The following FAM193A variants were observed in gnomAD, a reference collection of about 807,000 sequenced individuals.
FAM193A encodes the protein family with sequence similarity 193 member A, also known as protein FAM193A.
Under a neutral mutation model 126.5 loss-of-function variants are expected in FAM193A, and 22 were observed. The ratio of observed to expected loss-of-function variants is 0.17; its 90% CI spans 0.12 to 0.25. The LOEUF (loss-of-function observed/expected upper bound fraction) is 0.25. Among genes scored for constraint, FAM193A ranks in the 10% least tolerant of loss-of-function variants. FAM193A has a pLI of 1.00. For missense variants in FAM193A, 1,675 were observed against 1,672.8 expected (o/e 1.00, Z -0.02); for synonymous variants, 761 against 646.8 (o/e 1.18, Z -2.68).
At chr4:2,651,589 A>G (rs1745672694) in intron 7 of FAM193A, among the ~76,000 whole-genome samples, 1 of 152,164 alleles carries the variant, frequency 6.6e-6, no homozygotes, top group African/African-American at 2.4e-5. Context: ...ATCCGCCCCC[A>G]TGATCCCATC....
chr4:2,667,878 AAG>A (rs1408507694), intron 12 of FAM193A, among the ~76,000 whole-genome samples: 1 of 152,130 alleles, frequency 6.6e-6, no homozygotes, highest in Non-Finnish European at 1.5e-5. Flanking sequence ...AAAAAATAAA[AAG>A]AAACAAAAAT....
intron 20 of FAM193A, among the ~76,000 whole-genome samples, chr4:2,726,051 A>G (rs1577284375): frequency 6.6e-6 from 1 of 152,184 alleles, no homozygotes; most frequent in South Asian, 2.1e-4. Flanking sequence ...GGCGCCCGCC[A>G]CCACGCCTGG....
At chr4:2,627,126 ATAATTTTTATTCTTCCTTATAGTT>A (rs1276710070) in intron 4 of FAM193A, among the ~76,000 whole-genome samples, 1 of 151,118 alleles carries the variant, frequency 6.6e-6, no homozygotes. Context: ...TGAGGTGGCC[ATAATTTTTATTCTTCCTTATAGTT>A]TGATGTAACT....
chr4:2,706,148 C>T (rs1317995579), intron 19 of FAM193A, among the ~76,000 whole-genome samples: 1 of 152,124 alleles, frequency 6.6e-6, no homozygotes, highest in Admixed American at 6.5e-5. Context: ...TTTGAGATTA[C>T]AATGAGCTAT....
At chr4:2,562,819 AG>A (rs893876300) in intron 1 of FAM193A, among the ~76,000 whole-genome samples, 43 of 147,878 alleles carry the variant, frequency 2.9e-4, no homozygotes, top group African/African-American at 1.1e-3. Flanking sequence ...TAGTAGAGAC[AG>A]GGTTTCACCT....
At chr4:2,608,328 A>G (rs1166827398) in intron 2 of FAM193A, among the ~76,000 whole-genome samples, 2 of 152,016 alleles carry the variant, frequency 1.3e-5, no homozygotes, top group African/African-American at 4.8e-5. Context: ...ACAGGTGCGC[A>G]CCACCATGCC....
At chr4:2,609,182 G>A (rs1290032277) in intron 2 of FAM193A, among the ~76,000 whole-genome samples, 2 of 151,876 alleles carry the variant, frequency 1.3e-5, no homozygotes, top group African/African-American at 2.4e-5. Context: ...CTGAGCCACC[G>A]TGCCTGGCTG....
At chr4:2,556,952 A>C (rs1024397590) in intron 1 of FAM193A, among the ~76,000 whole-genome samples, 7 of 152,122 alleles carry the variant, frequency 4.6e-5, no homozygotes, top group Non-Finnish European at 1.0e-4. Flanking sequence ...ATAATTTTAG[A>C]TTTACAGAAA....
At chr4:2,676,924 G>A (rs1352962435) in intron 13 of FAM193A, among the ~76,000 whole-genome samples, 2 of 151,914 alleles carry the variant, frequency 1.3e-5, no homozygotes, top group East Asian at 3.9e-4. Context: ...TTGGGCGACA[G>A]AGCAAGATTC....
At chr4:2,695,633 A>C (rs1716947547) in intron 17 of FAM193A, among the ~76,000 whole-genome samples, 1 of 152,270 alleles carries the variant, frequency 6.6e-6, no homozygotes, top group Non-Finnish European at 1.5e-5. Context: ...TGCATTTCCT[A>C]AAATGTTCAC....
chr4:2,699,646 G>A, intron 18 of FAM193A, 34 bp from the exon 19 acceptor site: 1 of 1,563,692 alleles, frequency 6.4e-7, no homozygotes, highest in Non-Finnish European at 8.6e-7. Context: ...AGCACTCACT[G>A]TAGTCTTAAA....
chr4:2,642,586 T>A (rs1420517955), intron 6 of FAM193A, among the ~76,000 whole-genome samples: 1 of 152,006 alleles, frequency 6.6e-6, no homozygotes, highest in Non-Finnish European at 1.5e-5. Flanking sequence ...TGAGAAGATA[T>A]GCATCTTGGG....
intron 2 of FAM193A, 48 bp downstream of exon 2, chr4:2,596,377 C>T: frequency 1.5e-6 from 1 of 688,206 alleles, no homozygotes; most frequent in Middle Eastern, 3.5e-4. Context: ...CTCCCCCCGC[C>T]CAGGTTATGG....
intron 7 of FAM193A, among the ~76,000 whole-genome samples, chr4:2,650,869 T>A (rs376359899): frequency 1.1e-4 from 16 of 152,302 alleles, no homozygotes; most frequent in African/African-American, 3.9e-4. Context: ...GCAACGGTAT[T>A]TGCCTTTGGC....
chr4:2,581,134 A>ACAG (rs1344668870), intron 1 of FAM193A, among the ~76,000 whole-genome samples: 2 of 151,018 alleles, frequency 1.3e-5, no homozygotes, highest in Admixed American at 1.3e-4. Flanking sequence ...GTCTCAAAAA[A>ACAG]CAACAACAAA....
intron 1 of FAM193A, among the ~76,000 whole-genome samples, chr4:2,577,757 C>T (rs1018937766): frequency 4.6e-5 from 7 of 152,122 alleles, no homozygotes; most frequent in African/African-American, 1.7e-4. Context: ...TTAGTAACAA[C>T]TTGTTCCCAT....
chr4:2,717,033 G>T (rs1719615965), intron 20 of FAM193A, among the ~76,000 whole-genome samples: 1 of 151,772 alleles, frequency 6.6e-6, no homozygotes, highest in Non-Finnish European at 1.5e-5. Context: ...AGGCTAGAGT[G>T]CAATGTTGTG....
intron 2 of FAM193A, among the ~76,000 whole-genome samples, chr4:2,603,956 C>T (rs889128609): frequency 1.3e-5 from 2 of 152,026 alleles, no homozygotes; most frequent in African/African-American, 4.8e-5. Context: ...GATTCTCATG[C>T]CTCAGCCTTC....
chr4:2,554,648 T>C (rs892853605), intron 1 of FAM193A, among the ~76,000 whole-genome samples: 1 of 152,178 alleles, frequency 6.6e-6, no homozygotes, highest in African/African-American at 2.4e-5. Flanking sequence ...GTCTACTAGT[T>C]CTTTTGATTG....
Sources: gnomAD v4.1 joint callset for allele counts (sites outside exome capture counted in the v4.1 genomes callset) on GRCh38, gnomAD v4.1.1 for gene constraint, MANE v1.5 for transcripts, NCBI Gene and HGNC (gene_info 2026-07-23, HGNC 2026-07-21) for gene names.